HADHA: variants seen among roughly 807,000 people sequenced by gnomAD.
HADHA encodes the protein hydroxyacyl-CoA dehydrogenase trifunctional multienzyme complex subunit alpha, also known as trifunctional enzyme subunit alpha, mitochondrial.
HADHA carries 59 observed loss-of-function variants against 91.3 expected under a neutral mutation model. That is an observed-to-expected ratio of 0.65 (90% CI 0.52 to 0.80). The LOEUF (loss-of-function observed/expected upper bound fraction) is 0.80, where lower values mean the gene tolerates loss of function less well. HADHA is among the 30% of genes least tolerant of loss of function. The probability of loss-of-function intolerance (pLI) is 0.00; values close to 1 mark genes in which losing one functional copy is unlikely to be tolerated. For synonymous variants in HADHA, 320 were observed against 338.9 expected (o/e 0.94, Z 0.61); for missense variants, 800 against 927.6 (o/e 0.86, Z 1.79).
chr2:26,225,716 G>C (rs1469084055), intron 7 of HADHA, among the ~76,000 whole-genome samples: 2 of 152,142 alleles, frequency 1.3e-5, no homozygotes, highest in Non-Finnish European at 2.9e-5. Flanking sequence ...ACCTGATAAA[G>C]AGCACATATG....
rs1558314103 is a variant in HADHA, at chr2:26,192,469, A to C, written c.1886-45T>G. 3 of 1,049,768 alleles carry C rather than the reference A, an allele frequency of 2.9e-6. No homozygotes were observed. In the African/African-American group the frequency reaches 4.7e-5, roughly 16 times the overall value. The allele number at this position is 1,049,768 out of a possible 1,614,324, so 65.0% of individuals were successfully genotyped here. ...GGAGTGTTACTATTTGTTCTCAGGG[A>C]GGGAGTGTTACTATTTGTTCTCAGA... On this transcript the variant is annotated intron_variant, in intron 17 of 19. Coordinates refer to ENST00000380649, the MANE Select transcript of HADHA (RefSeq NM_000182.5).
intron 13 of HADHA, 101 bp from the exon 14 acceptor site, chr2:26,197,878 T>A (rs567683820): frequency 1.3e-5 from 10 of 755,932 alleles, no homozygotes; most frequent in Non-Finnish European, 1.7e-5. Flanking sequence ...GCCCACTCTG[T>A]CCCCCACAAC....
At chr2:26,230,540 TATACTA>T (rs1670598307) in intron 6 of HADHA, among the ~76,000 whole-genome samples, 1 of 152,210 alleles carries the variant, frequency 6.6e-6, no homozygotes, top group Non-Finnish European at 1.5e-5. Flanking sequence ...ATAGGATTCT[TATACTA>T]ATAAGGTAAA....
At chr2:26,204,723 A>T (rs1284761913) in intron 11 of HADHA, among the ~76,000 whole-genome samples, 1 of 152,106 alleles carries the variant, frequency 6.6e-6, no homozygotes, top group Non-Finnish European at 1.5e-5. Context: ...AGCTCGGACT[A>T]AAGGTGCATA....
chr2:26,216,468 A>G (rs1011196418), intron 7 of HADHA, among the ~76,000 whole-genome samples: 2 of 151,804 alleles, frequency 1.3e-5, no homozygotes, highest in South Asian at 2.1e-4. Context: ...TTACAGGTGC[A>G]TGCCACTGTG....
chr2:26,226,178 AC>A (rs1188781373), intron 7 of HADHA, among the ~76,000 whole-genome samples: 6 of 152,198 alleles, frequency 3.9e-5, no homozygotes, highest in Admixed American at 3.9e-4. Context: ...AAATTTAAAG[AC>A]CTAAATAAAC....
intron 1 of HADHA, among the ~76,000 whole-genome samples, chr2:26,243,935 G>A (rs1301575606): frequency 3.9e-5 from 6 of 152,242 alleles, no homozygotes; most frequent in Non-Finnish European, 7.3e-5. Flanking sequence ...CCAGTAAGTT[G>A]CAGAACTTCC....
chr2:26,215,395 T>A (rs1472156064), intron 7 of HADHA, among the ~76,000 whole-genome samples: 5 of 152,238 alleles, frequency 3.3e-5, no homozygotes, highest in African/African-American at 1.2e-4. Context: ...GGTCTTTAAC[T>A]GTTTCATTTG....
chr2:26,192,789 G>A (rs915691217), intron 17 of HADHA, among the ~76,000 whole-genome samples: 1 of 152,156 alleles, frequency 6.6e-6, no homozygotes, highest in African/African-American at 2.4e-5. Flanking sequence ...TCTTGTCTCT[G>A]TTGGTCTATT....
chr2:26,203,180 C>T (rs963806847), intron 12 of HADHA, among the ~76,000 whole-genome samples: 1 of 152,214 alleles, frequency 6.6e-6, no homozygotes, highest in African/African-American at 2.4e-5. Context: ...CACGATGAAA[C>T]CTGCCAGGTC....
chr2:26,239,880 G>C (rs765391229), intron 1 of HADHA, among the ~76,000 whole-genome samples: 2 of 152,184 alleles, frequency 1.3e-5, no homozygotes, highest in African/African-American at 2.4e-5. Flanking sequence ...TTTACTAGCT[G>C]TGTGACTGTG....
At chr2:26,202,639 G>A (rs1356511219) in intron 12 of HADHA, among the ~76,000 whole-genome samples, 2 of 152,224 alleles carry the variant, frequency 1.3e-5, no homozygotes, top group Non-Finnish European at 2.9e-5. Flanking sequence ...TATTCGTGAG[G>A]CTGAGGCATG....
chr2:26,212,745 GAA>G (rs1670133241), intron 9 of HADHA, 119 bp from the exon 10 acceptor site: 2 of 764,214 alleles, frequency 2.6e-6, no homozygotes, highest in Non-Finnish European at 4.8e-6. Context: ...GTCTAGACTG[GAA>G]TGAGAAAGAG....
At position 26,214,507 on chromosome 2, in the gene HADHA, T is replaced by G; in HGVS notation, c.854A>C (p.Lys285Thr). 1 of 1,609,656 alleles carries G rather than the reference T, an allele frequency of 6.2e-7. No individual in the cohort carries two copies. The highest frequency in any genetic ancestry group is 1.3e-5 in the African/African-American group (1 of 74,956). ...CTGCTTTCGCACTTTTTCTTCCACT[T>G]TTTTGTAAACCTGTTGCCTGACAAA... is the stretch of plus-strand genomic sequence containing the variant. ...IPFVRQQVYK[K>T]VEEKVRKQTK... is the part of the protein sequence containing the mutation. The change falls in exon 9 of 20, where the codon AAA becomes ACA. Residue 285 changes from lysine (K) to threonine (T), a missense_variant. Coordinates refer to ENST00000380649, the MANE Select transcript of HADHA (RefSeq NM_000182.5). The surrounding 1 kb of genome is among the most constrained non-coding windows in gnomAD (Gnocchi z 4.1).
chr2:26,219,367 T>C (rs4665838), intron 7 of HADHA, among the ~76,000 whole-genome samples: 125,530 of 151,576 alleles, frequency 0.83, 52,448 homozygotes, highest in African/African-American at 0.96. Context: ...ACCTCGTGAT[T>C]TGTCCACCTC....
At chr2:26,205,263 C>T (rs17527979) in intron 11 of HADHA, among the ~76,000 whole-genome samples, 22,859 of 152,150 alleles carry the variant, frequency 0.15, 2,127 homozygotes, top group Middle Eastern at 0.21. Context: ...GTTTACAGCA[C>T]TGTTATCCAA....
Position 26,191,257 on chromosome 2 carries a change from T to C in HADHA, c.2285A>G (p.Tyr762Cys). 6.2e-7 allele frequency: 1 copy of C among 1,612,436 alleles called. No individual in the cohort carries two copies. The highest frequency in any genetic ancestry group is 8.5e-7 in the Non-Finnish European group (1 of 1,179,980). Reference protein sequence around the residue: ...DHANSPNKKFYQ With the variant: ...DHANSPNKKFCQ Reference sequence around the variant, plus strand: ...GCGAGGCATGAGGCCTGCTCACTGGTAGAACTTCTTGTTAGGGCTGTTAGC... The same window carrying C: ...GCGAGGCATGAGGCCTGCTCACTGGCAGAACTTCTTGTTAGGGCTGTTAGC... The change falls in exon 20 of 20, where the codon TAC becomes TGC. Residue 762 changes from tyrosine (Y) to cysteine (C), a missense_variant. Tyr to Cys is a radical substitution (Grantham distance 194). Coordinates refer to ENST00000380649, the MANE Select transcript of HADHA (RefSeq NM_000182.5).
chr2:26,196,217 C>T (rs1253534505), intron 14 of HADHA, among the ~76,000 whole-genome samples: 4 of 152,152 alleles, frequency 2.6e-5, no homozygotes, highest in Non-Finnish European at 5.9e-5. Flanking sequence ...GGGTGGGATT[C>T]CATCACAGGT....
chr2:26,207,320 T>A (rs1669995154), intron 11 of HADHA, among the ~76,000 whole-genome samples: 1 of 127,840 alleles, frequency 7.8e-6, no homozygotes. Flanking sequence ...ATTTAGTAGG[T>A]TTTTTTTTTT....
Sources: allele counts gnomAD v4.1 joint callset (sites outside exome capture counted in the v4.1 genomes callset), GRCh38; gene constraint gnomAD v4.1.1; non-coding constraint Gnocchi (gnomAD v3.1); transcripts MANE v1.5; gene names NCBI Gene and HGNC (gene_info 2026-07-23, HGNC 2026-07-21).